Variants in PXYLP1 observed in about 807,000 individuals in gnomAD.
The protein encoded by PXYLP1 is 2-phosphoxylose phosphatase 1, also known as acid phosphatase-like 2.
Under a neutral mutation model 37.9 loss-of-function variants are expected in PXYLP1, and 17 were observed. The observed-to-expected ratio is 0.45, with a 90% CI of 0.31 to 0.67. PXYLP1 has a LOEUF of 0.67. PXYLP1 is among the 30% of genes least tolerant of loss of function. The pLI is 0.07. For synonymous variants in PXYLP1, 221 were observed against 232.2 expected (o/e 0.95, Z 0.44); for missense variants, 511 against 612.0 (o/e 0.84, Z 1.74).
intron 2 of PXYLP1, chr3:141,274,072 A>G (rs1203214854): frequency 5.1e-6 from 5 of 987,940 alleles, no homozygotes; most frequent in Non-Finnish European, 4.8e-6. Flanking sequence ...CAGAGTTTCT[A>G]ATTGTTCCAC....
intron 2 of PXYLP1, chr3:141,273,403 GA>G: frequency 1.0e-6 from 1 of 985,452 alleles, no homozygotes; most frequent in Non-Finnish European, 1.2e-6. Context: ...CCAAAGCTGG[GA>G]AAAGCAGAGA....
intron 4 of PXYLP1, among the ~76,000 whole-genome samples, chr3:141,284,030 C>T (rs1942014990): frequency 6.6e-6 from 1 of 151,824 alleles, no homozygotes; most frequent in Non-Finnish European, 1.5e-5. Context: ...ATGAGTTTTT[C>T]CTAAAGAAAA....
At chr3:141,284,532 A>G (rs950724897) in intron 4 of PXYLP1, among the ~76,000 whole-genome samples, 4 of 152,212 alleles carry the variant, frequency 2.6e-5, no homozygotes, top group African/African-American at 9.7e-5. Flanking sequence ...GTTTTAATAC[A>G]GTCATCCATA....
chr3:141,254,781 A>G (rs1457776717), intron 1 of PXYLP1, among the ~76,000 whole-genome samples: 1 of 152,190 alleles, frequency 6.6e-6, no homozygotes, highest in Non-Finnish European at 1.5e-5. Flanking sequence ...ATCAACGTGT[A>G]GAATACATCT....
intron 2 of PXYLP1, chr3:141,262,180 A>C: frequency 1.6e-6 from 1 of 634,210 alleles, no homozygotes; most frequent in Non-Finnish European, 2.0e-6. Context: ...TTCCATGTAC[A>C]TGCATATGAC....
intron 1 of PXYLP1, among the ~76,000 whole-genome samples, chr3:141,259,475 T>C (rs1209579416): frequency 1.3e-5 from 2 of 151,478 alleles, no homozygotes. Context: ...TCCAATGTGG[T>C]TAGGGGAATT....
chr3:141,249,938 G>C (rs1453271610), intron 1 of PXYLP1, among the ~76,000 whole-genome samples: 1 of 152,152 alleles, frequency 6.6e-6, no homozygotes, highest in East Asian at 1.9e-4. Context: ...CAGATGCCTT[G>C]ACAAGTTTAT....
At chr3:141,256,510 G>A (rs1368112125) in intron 1 of PXYLP1, among the ~76,000 whole-genome samples, 6 of 152,128 alleles carry the variant, frequency 3.9e-5, no homozygotes, top group African/African-American at 7.2e-5. Flanking sequence ...ACACAGGCAC[G>A]TGCACGTATA....
At chr3:141,263,946 C>T (rs1442424618) in intron 2 of PXYLP1, among the ~76,000 whole-genome samples, 1 of 151,794 alleles carries the variant, frequency 6.6e-6, no homozygotes, top group Non-Finnish European at 1.5e-5. Context: ...CCTGGTGTTC[C>T]AGAAGTTGCC....
At chr3:141,250,493 T>G (rs1400948662) in intron 1 of PXYLP1, among the ~76,000 whole-genome samples, 1 of 152,234 alleles carries the variant, frequency 6.6e-6, no homozygotes, top group Non-Finnish European at 1.5e-5. Context: ...GCATCCTGAT[T>G]GGTTCCACCC....
intron 2 of PXYLP1, chr3:141,273,237 A>G (rs1941711845): frequency 2.0e-6 from 2 of 985,452 alleles, no homozygotes; most frequent in Non-Finnish European, 2.4e-6. Context: ...TGTGCTCCAT[A>G]CATGTTGGAT....
intron 2 of PXYLP1, among the ~76,000 whole-genome samples, chr3:141,275,670 A>G (rs868868712): frequency 1.1e-4 from 16 of 152,174 alleles, no homozygotes; most frequent in African/African-American, 1.7e-4. Flanking sequence ...GCACCTTCCA[A>G]CTACTGGAAA....
intron 1 of PXYLP1, among the ~76,000 whole-genome samples, chr3:141,247,932 A>T (rs1295398730): frequency 1.1e-4 from 17 of 151,868 alleles, no homozygotes; most frequent in Admixed American, 1.1e-3. Flanking sequence ...CAAATTTCTC[A>T]TTAAGTTACA....
intron 1 of PXYLP1, among the ~76,000 whole-genome samples, chr3:141,256,313 G>A (rs1003066787): frequency 3.3e-5 from 5 of 152,158 alleles, no homozygotes; most frequent in African/African-American, 4.8e-5. Context: ...AGCTCAGAGA[G>A]GTGGAGCCAG....
Position 141,293,380 on chromosome 3 carries a change from G to C in PXYLP1, c.*175G>C. 1 of 656,546 alleles carries C rather than the reference G, an allele frequency of 1.5e-6. No individual in the cohort carries two copies. Among genetic ancestry groups the C allele is most frequent in the Non-Finnish European group, 2.5e-6 (1 of 393,702 alleles). The allele number at this position is 656,546 out of a possible 1,614,324, so 40.7% of individuals were successfully genotyped here. On this transcript the variant is annotated 3_prime_UTR_variant, in exon 6 of 6. Coordinates refer to ENST00000286353, the MANE Select transcript of PXYLP1 (RefSeq NM_001037172.3). ...ACAGTAAGCACATTGCTGCAATGTG[G>C]TACGTGAATTGCTTGGTACAAAATG...
At chr3:141,269,120 G>C (rs1460306931) in intron 2 of PXYLP1, among the ~76,000 whole-genome samples, 1 of 152,248 alleles carries the variant, frequency 6.6e-6, no homozygotes, top group African/African-American at 2.4e-5. Context: ...TCGCCTGTCT[G>C]GCTATGTCTT....
intron 4 of PXYLP1, among the ~76,000 whole-genome samples, chr3:141,284,781 C>T (rs193018621): frequency 4.6e-5 from 7 of 152,108 alleles, no homozygotes; most frequent in African/African-American, 7.2e-5. Context: ...TTTTTGGATC[C>T]ACAGTTGAAT....
intron 1 of PXYLP1, among the ~76,000 whole-genome samples, chr3:141,256,552 G>T: frequency 6.6e-6 from 1 of 152,020 alleles, no homozygotes. Flanking sequence ...GCGCGTGTGC[G>T]CACACACACA....
At chr3:141,244,223 G>A (rs1940882749) in intron 1 of PXYLP1, among the ~76,000 whole-genome samples, 1 of 152,036 alleles carries the variant, frequency 6.6e-6, no homozygotes, top group South Asian at 2.1e-4. Flanking sequence ...TTTTAAAATA[G>A]CACAGGTTCA....
Sources: gnomAD v4.1 joint callset for allele counts (sites outside exome capture counted in the v4.1 genomes callset) on GRCh38, gnomAD v4.1.1 for gene constraint, MANE v1.5 for transcripts, NCBI Gene and HGNC (gene_info 2026-07-23, HGNC 2026-07-21) for gene names.